The following GHR variants were observed in gnomAD, a reference collection of about 807,000 sequenced individuals.
GHR encodes the protein GH receptor.
A neutral mutation model predicts 67.1 loss-of-function variants in GHR; 35 were observed. The observed-to-expected ratio is 0.52, with a 90% CI of 0.40 to 0.69. The LOEUF (loss-of-function observed/expected upper bound fraction) is 0.69. Ranked by LOEUF, GHR falls within the 30% of genes least tolerant of loss-of-function variation. GHR has a pLI of 0.00. For synonymous variants in GHR, 272 were observed against 269.1 expected, an observed-to-expected ratio of 1.01 and a Z score of -0.10; for missense variants, 792 against 764.6, an observed-to-expected ratio of 1.04 and a Z score of -0.42.
Position 42,558,798 on chromosome 5 carries a change from T to G in GHR, c.-11-7066T>G, listed in dbSNP as rs150836419. 2.1e-4 allele frequency among the ~76,000 whole-genome samples: 32 copies of G among 152,344 alleles called. 1 individual carries two copies. The East Asian group carries it at 3.1e-3, about 15-fold the overall frequency. On this transcript the variant is annotated intron_variant, in intron 1 of 9. Transcript: ENST00000230882. ...TAATGATGCATTTTTCAGAATGTAT[T>G]CCTGTCATTAAGTGATGCATGACTG...
chr5:42,686,396 T>C (rs1303749581), intron 3 of GHR, among the ~76,000 whole-genome samples: 1 of 152,140 alleles, frequency 6.6e-6, no homozygotes, highest in Non-Finnish European at 1.5e-5. Context: ...TTTAGACCAA[T>C]ATCCCTGATG....
chr5:42,618,214 C>T (rs1205459175), intron 2 of GHR, among the ~76,000 whole-genome samples: 1 of 152,038 alleles, frequency 6.6e-6, no homozygotes, highest in African/African-American at 2.4e-5. Context: ...TTTTCTACTG[C>T]AAAATAGTTT....
intron 6 of GHR, among the ~76,000 whole-genome samples, chr5:42,708,806 G>A (rs958601495): frequency 5.3e-5 from 8 of 152,054 alleles, no homozygotes; most frequent in Admixed American, 2.6e-4. Flanking sequence ...AACTGTTCAG[G>A]GCTATATCCC....
At chr5:42,523,824 C>T (rs1747581935) in intron 1 of GHR, among the ~76,000 whole-genome samples, 1 of 152,220 alleles carries the variant, frequency 6.6e-6, no homozygotes, top group Non-Finnish European at 1.5e-5. Flanking sequence ...TCATGGGAGC[C>T]AGTCTTTCCC....
At position 42,424,393 on chromosome 5, in the gene GHR, C is replaced by A. The variant is rs1157071050; in HGVS notation, c.-12+438C>A. On this transcript the variant is annotated intron_variant, in intron 1 of 9. Coordinates refer to ENST00000230882, the MANE Select transcript of GHR (RefSeq NM_000163.5). The surrounding 1 kb of genome is among the most constrained non-coding windows in gnomAD (Gnocchi z 4.1). ...CTGTTTGCCATCATCTGCCTGGCTG[C>A]GGCAGGAACTGCCGAGGCTGCTGCT... 1.7e-6 allele frequency: 1 copy of A among 598,354 alleles called. No individual in the cohort carries two copies. The highest frequency in any genetic ancestry group is 3.0e-6 in the Non-Finnish European group (1 of 335,300). The allele number at this position is 598,354 out of a possible 1,614,324, so 37.1% of individuals were successfully genotyped here.
At chr5:42,533,619 G>C (rs1021084572) in intron 1 of GHR, among the ~76,000 whole-genome samples, 2 of 151,668 alleles carry the variant, frequency 1.3e-5, no homozygotes, top group African/African-American at 4.8e-5. Flanking sequence ...TTTTTTATAT[G>C]TATGGTATAA....
At chr5:42,608,334 T>C (rs920864095) in intron 2 of GHR, among the ~76,000 whole-genome samples, 8 of 152,230 alleles carry the variant, frequency 5.3e-5, no homozygotes, top group African/African-American at 1.7e-4. Flanking sequence ...TTATATTTTT[T>C]TTGTAGTACA....
intron 1 of GHR, among the ~76,000 whole-genome samples, chr5:42,492,027 T>A (rs1270260135): frequency 1.3e-5 from 2 of 152,260 alleles, no homozygotes; most frequent in Non-Finnish European, 2.9e-5. Context: ...GCCTCTTTTC[T>A]CTTTCACCTC....
chr5:42,572,897 G>A (rs1750412968), intron 2 of GHR, among the ~76,000 whole-genome samples: 1 of 152,108 alleles, frequency 6.6e-6, no homozygotes, highest in Non-Finnish European at 1.5e-5. Context: ...GTGAAGGGTG[G>A]CATTTGTTGT....
At chr5:42,555,757 A>G (rs573113682) in intron 1 of GHR, among the ~76,000 whole-genome samples, 1 of 152,290 alleles carries the variant, frequency 6.6e-6, no homozygotes, top group South Asian at 2.1e-4. Context: ...GCTAATTGTT[A>G]GGATGTAATC....
chr5:42,646,558 G>C (rs896794688), intron 3 of GHR, among the ~76,000 whole-genome samples: 2 of 152,138 alleles, frequency 1.3e-5, no homozygotes, highest in South Asian at 4.2e-4. Context: ...TTATACAATT[G>C]ACACCTAGAA....
At chr5:42,536,496 G>A (rs1245787649) in intron 1 of GHR, among the ~76,000 whole-genome samples, 2 of 152,112 alleles carry the variant, frequency 1.3e-5, no homozygotes, top group Admixed American at 6.6e-5. Flanking sequence ...AACCATCTCT[G>A]TGCCCCTGGT....
chr5:42,647,232 A>G lies in GHR; in HGVS notation c.136+18129A>G, dbSNP rs551519670. Among the ~76,000 whole-genome samples, 6 of 152,258 alleles carry G rather than the reference A, an allele frequency of 3.9e-5. No homozygotes were observed. The East Asian group carries it at 1.2e-3, about 29-fold the overall frequency. On this transcript the variant is annotated intron_variant, in intron 3 of 9. Coordinates refer to ENST00000230882, the MANE Select transcript of GHR (RefSeq NM_000163.5). The stretch of plus-strand genomic sequence containing the variant: ...TTGTGGGTCCCTTTTCAATATGAAT[A>G]AAATTGATTAGCCAATTGCAACTGA...
At chr5:42,693,749 TCCACAGTCTGGCCTGTGAG>T (rs1757538720) in intron 4 of GHR, among the ~76,000 whole-genome samples, 1 of 151,972 alleles carries the variant, frequency 6.6e-6, no homozygotes. Flanking sequence ...GTCCCAAACC[TCCACAGTCTGGCCTGTGAG>T]CCACAGGCGC....
intron 3 of GHR, among the ~76,000 whole-genome samples, chr5:42,657,191 G>A (rs1561201991): frequency 6.6e-6 from 1 of 152,040 alleles, no homozygotes; most frequent in Non-Finnish European, 1.5e-5. Flanking sequence ...TTTCCTCATG[G>A]AGGCAGCAAA....
intron 8 of GHR, among the ~76,000 whole-genome samples, chr5:42,715,631 A>C (rs1758685215): frequency 1.3e-5 from 2 of 152,240 alleles, no homozygotes; most frequent in Non-Finnish European, 2.9e-5. Context: ...AGCCTAAAAT[A>C]GAATTTCCAA....
chr5:42,444,764 C>G (rs957446304), intron 1 of GHR, among the ~76,000 whole-genome samples: 3 of 152,116 alleles, frequency 2.0e-5, no homozygotes, highest in African/African-American at 7.2e-5. Context: ...TTTTCATTCT[C>G]TCATTCTTCT....
intron 3 of GHR, among the ~76,000 whole-genome samples, chr5:42,645,007 C>A (rs1222179669): frequency 1.3e-5 from 2 of 152,040 alleles, no homozygotes; most frequent in African/African-American, 4.8e-5. Context: ...GTCTTTATTA[C>A]TAGTGGCCAG....
intron 2 of GHR, among the ~76,000 whole-genome samples, chr5:42,591,143 T>A (rs1231841052): frequency 6.6e-6 from 1 of 152,224 alleles, no homozygotes; most frequent in Non-Finnish European, 1.5e-5. Flanking sequence ...CAGGGAACCC[T>A]GCAAGTTTAA....
Sources: allele counts gnomAD v4.1 joint callset (sites outside exome capture counted in the v4.1 genomes callset), GRCh38; gene constraint gnomAD v4.1.1; non-coding constraint Gnocchi (gnomAD v3.1); transcripts MANE v1.5; gene names NCBI Gene and HGNC (gene_info 2026-07-23, HGNC 2026-07-21).